PHACTR1: variants seen among roughly 807,000 people sequenced by gnomAD.
PHACTR1 encodes the protein RPEL repeat containing 1.
Under a neutral mutation model 69.2 loss-of-function variants are expected in PHACTR1, and 16 were observed. The ratio of observed to expected loss-of-function variants is 0.23; its 90% CI spans 0.16 to 0.35. The LOEUF (loss-of-function observed/expected upper bound fraction) is 0.35, where lower values mean the gene tolerates loss of function less well. Among genes scored for constraint, PHACTR1 ranks in the 10% least tolerant of loss-of-function variants. The pLI, the probability that PHACTR1 is intolerant of heterozygous loss-of-function variation, is 1.00. For missense variants in PHACTR1, 510 were observed against 734.7 expected, an observed-to-expected ratio of 0.69 and a Z score of 3.54; for synonymous variants, 312 against 284.5, an observed-to-expected ratio of 1.10 and a Z score of -0.97.
At chr6:12,939,011 T>C (rs146916492) in intron 4 of PHACTR1, among the ~76,000 whole-genome samples, 3 of 152,316 alleles carry the variant, frequency 2.0e-5, no homozygotes, top group Non-Finnish European at 4.4e-5. Flanking sequence ...TAAGCTGCTA[T>C]GAACAGTCAC....
intron 5 of PHACTR1, among the ~76,000 whole-genome samples, chr6:13,118,753 G>A (rs775337376): frequency 9.9e-5 from 15 of 152,056 alleles, no homozygotes; most frequent in South Asian, 4.2e-4. Flanking sequence ...TTGGGATTAC[G>A]GCGTGAGCCA....
intron 5 of PHACTR1, among the ~76,000 whole-genome samples, chr6:13,096,109 A>G (rs1345636521): frequency 6.6e-6 from 1 of 152,098 alleles, no homozygotes; most frequent in Admixed American, 6.5e-5. Flanking sequence ...ATGTCAATCT[A>G]CATAGACAGC....
chr6:12,854,277 A>C (rs1327424489), intron 4 of PHACTR1, among the ~76,000 whole-genome samples: 2 of 152,252 alleles, frequency 1.3e-5, no homozygotes, highest in East Asian at 3.8e-4. Context: ...GCCAAGCACA[A>C]GGTTTCTCCA....
intron 3 of PHACTR1, among the ~76,000 whole-genome samples, chr6:12,731,862 C>A (rs1287395376): frequency 6.6e-6 from 1 of 152,104 alleles, no homozygotes; most frequent in African/African-American, 2.4e-5. Context: ...CAGATGCTCA[C>A]ATGTCGCCAC....
chr6:12,733,873 A>C (rs1455661571), intron 3 of PHACTR1, among the ~76,000 whole-genome samples: 1 of 152,044 alleles, frequency 6.6e-6, no homozygotes, highest in Non-Finnish European at 1.5e-5. Flanking sequence ...ATAAAATCAA[A>C]ATATATGAGT....
intron 4 of PHACTR1, among the ~76,000 whole-genome samples, chr6:12,897,345 C>T (rs1784763661): frequency 6.6e-6 from 1 of 152,140 alleles, no homozygotes; most frequent in African/African-American, 2.4e-5. Context: ...CCGCTTTAAG[C>T]CAATCCCACC....
chr6:13,281,180 A>G (rs3846903), intron 12 of PHACTR1: 678,595 of 1,225,910 alleles, frequency 0.55, 192,949 homozygotes, highest in Non-Finnish European at 0.59. Flanking sequence ...GACATTAGTA[A>G]AATCCAGGTC....
intron 4 of PHACTR1, among the ~76,000 whole-genome samples, chr6:12,909,907 A>G (rs557346484): frequency 1.4e-4 from 22 of 152,318 alleles, no homozygotes; most frequent in Non-Finnish European, 2.6e-4. Flanking sequence ...CTTCTAACAA[A>G]CAACCATTGG....
At chr6:12,886,185 C>T (rs748724811) in intron 4 of PHACTR1, among the ~76,000 whole-genome samples, 11 of 151,972 alleles carry the variant, frequency 7.2e-5, no homozygotes, top group Non-Finnish European at 1.3e-4. Context: ...TATATTGGCT[C>T]ATTGTTGCCT....
At chr6:13,069,139 G>A (rs1809123391) in intron 5 of PHACTR1, among the ~76,000 whole-genome samples, 1 of 152,122 alleles carries the variant, frequency 6.6e-6, no homozygotes, top group Non-Finnish European at 1.5e-5. Flanking sequence ...CTGGACCCCA[G>A]AAACAGAGGA....
intron 3 of PHACTR1, among the ~76,000 whole-genome samples, chr6:12,744,573 T>A (rs2127590363): frequency 6.6e-6 from 1 of 152,240 alleles, no homozygotes; most frequent in Non-Finnish European, 1.5e-5. Flanking sequence ...AGGAAGATGT[T>A]ATCAGAAAGG....
intron 5 of PHACTR1, among the ~76,000 whole-genome samples, chr6:13,128,078 T>C (rs1819818061): frequency 7.4e-6 from 1 of 134,970 alleles, no homozygotes; most frequent in African/African-American, 2.7e-5. Context: ...TCACTTGCTA[T>C]CATGAGAACA....
chr6:13,095,749 C>CTTTTTTTTTTT (rs140109520), intron 5 of PHACTR1, among the ~76,000 whole-genome samples: 16 of 77,246 alleles, frequency 2.1e-4, no homozygotes, highest in Non-Finnish European at 3.6e-4. Flanking sequence ...TTGTGAAGGG[C>CTTTTTTTTTTT]TTTTTTTTTT....
rs972976313 is a variant in PHACTR1 at position 13,053,661 on chromosome 6, T to A, written c.415+132T>A. 11 of 1,117,996 alleles carry A rather than the reference T, an allele frequency of 9.8e-6. No individual in the cohort carries two copies. In the African/African-American group the frequency reaches 1.6e-4, roughly 16 times the overall value. The allele number at this position is 1,117,996 out of a possible 1,614,324, so 69.3% of individuals were successfully genotyped here. ...ATATCAAGCCTTGGAATGGCTCTTGTCTTTAAAATTTTTTCAGTATGATCA... is the reference window on the plus strand; with the variant it reads ...ATATCAAGCCTTGGAATGGCTCTTGACTTTAAAATTTTTTCAGTATGATCA... On this transcript the variant is annotated intron_variant, in intron 5 of 14. Coordinates refer to ENST00000332995, the MANE Select transcript of PHACTR1 (RefSeq NM_030948.6).
Position 13,193,357 on chromosome 6 carries a change from GTATATATATATATA to G in PHACTR1, c.664+10686_664+10699del, listed in dbSNP as rs56305254. Among the ~76,000 whole-genome samples the G allele has an allele frequency of 1.7e-3, 113 of 68,198 alleles. 3 individuals are homozygous for G. The highest frequency in any genetic ancestry group is 9.5e-4 in the Non-Finnish European group (28 of 29,350). The allele number at this position is 68,198 out of a possible 152,430, so 44.7% of individuals were successfully genotyped here. A position where few individuals can be genotyped will look rare whatever the true frequency, so the allele number is the denominator to read the frequency against. ...ATTCTACCTCTTAATAGCTCTCTGT[GTATATATATATATA>G]TATATATATATATAGTTTTGGGGAG... On this transcript the variant is annotated intron_variant, in intron 7 of 14. Transcript: ENST00000332995.
chr6:13,277,497 C>G (rs776124410), intron 11 of PHACTR1, among the ~76,000 whole-genome samples: 4 of 152,134 alleles, frequency 2.6e-5, no homozygotes, highest in Admixed American at 2.6e-4. Context: ...CTTCTGCTCT[C>G]TCTACACCCA....
chr6:13,014,344 A>T (rs1367033333), intron 4 of PHACTR1, among the ~76,000 whole-genome samples: 1 of 152,194 alleles, frequency 6.6e-6, no homozygotes, highest in African/African-American at 2.4e-5. Context: ...AACCCTGCAC[A>T]TCCCATTGAC....
intron 5 of PHACTR1, among the ~76,000 whole-genome samples, chr6:13,102,212 G>A (rs540830492): frequency 4.3e-4 from 65 of 152,308 alleles, no homozygotes; most frequent in African/African-American, 1.5e-3. Flanking sequence ...AAGCCCCATG[G>A]AAGGAACTAT....
At chr6:13,284,543 A>AAAAATAT (rs1554187813) in intron 13 of PHACTR1, among the ~76,000 whole-genome samples, 9 of 61,350 alleles carry the variant, frequency 1.5e-4, no homozygotes, top group East Asian at 1.4e-3. Context: ...AAAAAAAAAA[A>AAAAATAT]ATATATATAT....
Sources: gnomAD v4.1 joint callset for allele counts (sites outside exome capture counted in the v4.1 genomes callset) on GRCh38, gnomAD v4.1.1 for gene constraint, MANE v1.5 for transcripts, NCBI Gene and HGNC (gene_info 2026-07-23, HGNC 2026-07-21) for gene names.